The following CD5 variants were observed in gnomAD, a reference collection of about 807,000 sequenced individuals.
The protein encoded by CD5 is T-cell surface glycoprotein CD5.
A neutral mutation model predicts 60.3 loss-of-function variants in CD5; 36 were observed. The ratio of observed to expected loss-of-function variants is 0.60; its 90% confidence interval spans 0.46 to 0.79. CD5 has a LOEUF of 0.79. Ranked by LOEUF, CD5 falls within the 30% of genes least tolerant of loss-of-function variation. The pLI is 0.00. For missense variants in CD5, 540 were observed against 630.6 expected, an observed-to-expected ratio of 0.86 and a Z score of 1.54; for synonymous variants, 230 against 257.6, an observed-to-expected ratio of 0.89 and a Z score of 1.03.
At chr11:61,101,788 A>G (rs565666176), upstream of CD5, among the ~76,000 whole-genome samples, 18 of 152,040 alleles carry the variant, frequency 1.2e-4, no homozygotes, top group African/African-American at 3.9e-4. Context: ...ACACATCAAC[A>G]TGGAGATCAC....
At chr11:61,097,301 C>A in the CD5 span, among the ~76,000 whole-genome samples, 1 of 152,138 alleles carries the variant, frequency 6.6e-6, no homozygotes, top group Non-Finnish European at 1.5e-5. Context: ...AAAAGAATCA[C>A]CCTGATAATT....
intron 1 of CD5, among the ~76,000 whole-genome samples, chr11:61,103,938 G>GT (rs1860741228): frequency 7.6e-6 from 1 of 131,560 alleles, no homozygotes; most frequent in Non-Finnish European, 1.6e-5. Context: ...GACTCTGTGT[G>GT]TGAGTCTCTG....
Position 61,121,643 on chromosome 11 carries a change from G to A in CD5, c.838G>A (p.Gly280Arg). The change falls in exon 6 of 11, where the codon GGG becomes AGG. Residue 280 changes from glycine (G) to arginine (R), a missense_variant. Coordinates refer to ENST00000347785, the MANE Select transcript of CD5 (RefSeq NM_014207.4). ...FQPKVQSRLVGGSSICEGTVE... is the reference protein window; with the variant it reads ...FQPKVQSRLVRGSSICEGTVE... ...GCCCAAGGTGCAGAGCCGTCTGGTG[G>A]GGGGCAGCAGCATCTGTGAAGGCAC... 6.5e-7 allele frequency: 1 copy of A among 1,538,282 alleles called. No homozygotes were observed.
chr11:61,094,590 T>C, the CD5 span, among the ~76,000 whole-genome samples: 1 of 152,158 alleles, frequency 6.6e-6, no homozygotes, highest in African/African-American at 2.4e-5. Flanking sequence ...GGCTTGGATT[T>C]CTTGATACTC....
upstream of CD5, among the ~76,000 whole-genome samples, chr11:61,098,648 C>T (rs1565180392): frequency 6.6e-6 from 1 of 152,238 alleles, no homozygotes; most frequent in Non-Finnish European, 1.5e-5. Context: ...CATGTACCCC[C>T]TGCTTGCTCA....
At chr11:61,105,760 G>C (rs538821752) in intron 1 of CD5, among the ~76,000 whole-genome samples, 25 of 152,266 alleles carry the variant, frequency 1.6e-4, no homozygotes, top group African/African-American at 6.0e-4. Context: ...GGGATACAGG[G>C]ACCAAGGCAG....
intron 1 of CD5, among the ~76,000 whole-genome samples, chr11:61,104,193 G>A (rs1860746565): frequency 6.6e-6 from 1 of 152,156 alleles, no homozygotes; most frequent in Non-Finnish European, 1.5e-5. Flanking sequence ...AGAACTGTGT[G>A]TGTGTGCTTT....
intron 2 of CD5, among the ~76,000 whole-genome samples, chr11:61,116,702 CACACACCACA>C (rs1860965778): frequency 1.7e-5 from 1 of 59,438 alleles, no homozygotes; most frequent in Non-Finnish European, 3.5e-5. Context: ...ATACACACCA[CACACACCACA>C]TGCACACTAT....
At chr11:61,103,460 C>T (rs939535399) in intron 1 of CD5, among the ~76,000 whole-genome samples, 37 of 152,148 alleles carry the variant, frequency 2.4e-4, no homozygotes, top group African/African-American at 8.0e-4. Context: ...GGAGAGGGTC[C>T]GGAGGCCTTG....
chr11:61,107,071 C>T (rs1235377605), intron 1 of CD5, among the ~76,000 whole-genome samples: 11 of 152,146 alleles, frequency 7.2e-5, no homozygotes, highest in Admixed American at 7.2e-4. Context: ...TATGCGAATA[C>T]TAGACGGTCA....
Position 61,127,364 on chromosome 11 carries a change from A to ACACATCCTAAGG in CD5, c.*1090_*1091insGCACATCCTAAG, listed in dbSNP as rs1333306018. The ACACATCCTAAGG allele has an allele frequency of 1.3e-4, 4 of 30,658 alleles. No individual in the cohort carries two copies. The East Asian group carries it at 0.21, about 1,642-fold the overall frequency. 1.9% of individuals were successfully genotyped at this position (30,658 alleles called of 1,614,324 possible). A position where few individuals can be genotyped will look rare whatever the true frequency, so the allele number is the denominator to read the frequency against. ...CCTAAGAAGGTGAAGCAACATGGGA[A>ACACATCCTAAGG]CACATCCTAAGACAGGTCCTTTCTC... On this transcript the variant is annotated 3_prime_UTR_variant, in exon 11 of 11. Coordinates refer to ENST00000347785, the MANE Select transcript of CD5 (RefSeq NM_014207.4).
At chr11:61,123,232 C>G (rs1274228874) in intron 7 of CD5, among the ~76,000 whole-genome samples, 200 bp downstream of exon 7, 1 of 152,136 alleles carries the variant, frequency 6.6e-6, no homozygotes, top group Non-Finnish European at 1.5e-5. Flanking sequence ...AACAAAATTG[C>G]AATTGCTGAT....
chr11:61,125,926 C>A (rs1301449193), intron 10 of CD5, 85 bp downstream of exon 10: 3 of 748,122 alleles, frequency 4.0e-6, no homozygotes, highest in African/African-American at 1.8e-5. Flanking sequence ...TGCCTCCCCT[C>A]AGTCCCACCC....
chr11:61,121,522 C>G, intron 5 of CD5, 89 bp from the exon 6 acceptor site: 1 of 1,175,694 alleles, frequency 8.5e-7, no homozygotes, highest in Non-Finnish European at 1.1e-6. Context: ...GCCAGGGCCC[C>G]GATTTGCCAG....
chr11:61,100,108 C>T (rs988075058), upstream of CD5, among the ~76,000 whole-genome samples: 1 of 124,360 alleles, frequency 8.0e-6, no homozygotes, highest in African/African-American at 3.1e-5. Flanking sequence ...ACACACACAT[C>T]AACATGGAGA....
At chr11:61,099,063 G>A (rs1490132576), upstream of CD5, among the ~76,000 whole-genome samples, 2 of 150,772 alleles carry the variant, frequency 1.3e-5, no homozygotes, top group Non-Finnish European at 3.0e-5. Flanking sequence ...CCCAGCCCAG[G>A]GAAACACAGG....
chr11:61,099,358 A>C (rs1380569930), upstream of CD5, among the ~76,000 whole-genome samples: 1 of 152,018 alleles, frequency 6.6e-6, no homozygotes, highest in Non-Finnish European at 1.5e-5. Context: ...CAACATGGAG[A>C]TCACACACAC....
chr11:61,116,911 T>C (rs932552734), intron 2 of CD5, among the ~76,000 whole-genome samples: 1 of 150,636 alleles, frequency 6.6e-6, no homozygotes, highest in Non-Finnish European at 1.5e-5. Context: ...CACACACACA[T>C]ATATTTTTCC....
rs768012838 is a variant in CD5, at chr11:61,114,982, G to C, written c.56-74G>C. 3 of 1,433,366 alleles carry C rather than the reference G, an allele frequency of 2.1e-6. No individual in the cohort carries two copies. The African/African-American group carries it at 4.2e-5, about 20-fold the overall frequency. 88.8% of individuals were successfully genotyped at this position (1,433,366 alleles called of 1,614,324 possible). On this transcript the variant is annotated intron_variant, in intron 1 of 10. Coordinates refer to ENST00000347785, the MANE Select transcript of CD5 (RefSeq NM_014207.4). Reference sequence around the variant, plus strand: ...GGCAGAAAGGGCCATTGCTCGGGCTGTGGGTGGGTGAGCTGGGGAGAAGGG... The same window carrying C: ...GGCAGAAAGGGCCATTGCTCGGGCTCTGGGTGGGTGAGCTGGGGAGAAGGG...
Sources: gnomAD v4.1 joint callset for allele counts (sites outside exome capture counted in the v4.1 genomes callset) on GRCh38, gnomAD v4.1.1 for gene constraint, MANE v1.5 for transcripts, NCBI Gene and HGNC (gene_info 2026-07-23, HGNC 2026-07-21) for gene names.